The following PRKDC variants were observed in gnomAD, a reference collection of about 807,000 sequenced individuals.
PRKDC encodes the protein protein kinase, DNA-activated, catalytic subunit, also known as DNA-dependent protein kinase catalytic subunit.
Under a neutral mutation model 486.9 loss-of-function variants are expected in PRKDC, and 82 were observed. That is an observed-to-expected ratio of 0.17 (90% CI 0.14 to 0.20). PRKDC has a LOEUF of 0.20. PRKDC is among the 10% of genes least tolerant of loss of function. The probability of loss-of-function intolerance (pLI) is 1.00; values close to 1 mark genes in which losing one functional copy is unlikely to be tolerated. For missense variants in PRKDC, 4,504 were observed against 5,038.2 expected (o/e 0.89, Z 3.21); for synonymous variants, 1,895 against 1,837.0 (o/e 1.03, Z -0.81).
At chr8:47,880,908 C>A (rs1400129287) in intron 38 of PRKDC, among the ~76,000 whole-genome samples, 3 of 151,708 alleles carry the variant, frequency 2.0e-5, no homozygotes, top group Admixed American at 1.3e-4. Flanking sequence ...TTAGCCAGGC[C>A]TGGTGGCGCA....
In PRKDC at chr8:47,778,880, T is replaced by C. The variant is rs188253369; in HGVS notation, c.11580-81A>G. On this transcript the variant is annotated intron_variant, in intron 81 of 85. Coordinates refer to ENST00000314191, the MANE Select transcript of PRKDC (RefSeq NM_006904.7). ...TAAATTTTAAAACTTTTTGTTTATA[T>C]TGAGACTCAAATATCGAATAATCTT... The C allele has an allele frequency of 1.2e-4, 174 of 1,483,096 alleles. 2 individuals carry two copies. In the Admixed American group the frequency reaches 3.5e-3, roughly 30 times the overall value. The allele number at this position is 1,483,096 out of a possible 1,614,324, so 91.9% of individuals were successfully genotyped here. A position where few individuals can be genotyped will look rare whatever the true frequency, so the allele number is the denominator to read the frequency against.
chr8:47,862,445 T>C lies in PRKDC; in HGVS notation c.5847A>G (p.Ile1949Met). The change falls in exon 43 of 86, where the codon ATA becomes ATG. Residue 1949 changes from isoleucine to methionine, a missense_variant. Physicochemically the swap from Ile to Met is conservative, Grantham distance 10 (BLOSUM62 1). Transcript: ENST00000314191. ...LYHCAAYNCA[I>M]SVICCVFNEL... ...CATTGAAGACACAGCAGATGACAGA[T>C]ATGGCGCAGTTGTATGCTGCACAAT... 6.2e-7 allele frequency: 1 copy of C among 1,614,010 alleles called. No individual in the cohort carries two copies. The highest frequency in any genetic ancestry group is 8.5e-7 in the Non-Finnish European group (1 of 1,179,858).
Position 47,938,708 on chromosome 8 carries a change from T to C in PRKDC, c.1113+843A>G, listed in dbSNP as rs8178020. 3.8e-3 allele frequency among the ~76,000 whole-genome samples: 579 copies of C among 152,154 alleles called. 4 individuals are homozygous for C. The highest frequency in any genetic ancestry group is 0.025 in the South Asian group (119 of 4,820). On this transcript the variant is annotated intron_variant, in intron 11 of 85. Coordinates refer to ENST00000314191, the MANE Select transcript of PRKDC (RefSeq NM_006904.7). Reference sequence around the variant, plus strand: ...TCCCAAGCAGTTGGGATTACAGGTATGTGCTACCATGCCCGGCTAATTTTT... The same window carrying C: ...TCCCAAGCAGTTGGGATTACAGGTACGTGCTACCATGCCCGGCTAATTTTT...
Position 47,873,366 on chromosome 8 carries a change from A to G in PRKDC, c.5363+4358T>C, listed in dbSNP as rs1374886406. On this transcript the variant is annotated intron_variant, in intron 40 of 85. Transcript: ENST00000314191. ...AGCCTGGCCAACATGGTGAAAACCCATCTCTACTAAACATACAAAAAAAAT... is the reference window on the plus strand; with the variant it reads ...AGCCTGGCCAACATGGTGAAAACCCGTCTCTACTAAACATACAAAAAAAAT... 2.6e-5 allele frequency among the ~76,000 whole-genome samples: 4 copies of G among 152,182 alleles called. No individual in the cohort carries two copies. In the East Asian group the frequency reaches 7.7e-4, roughly 29 times the overall value.
intron 11 of PRKDC, among the ~76,000 whole-genome samples, chr8:47,936,729 G>A (rs1399509173): frequency 6.7e-6 from 1 of 150,126 alleles, no homozygotes; most frequent in Non-Finnish European, 1.5e-5. Context: ...TGATTCTCCC[G>A]CTTCAGCCTC....
rs542818049 is a variant in PRKDC, at chr8:47,874,866, G to A, written c.5363+2858C>T. 5.4e-4 allele frequency among the ~76,000 whole-genome samples: 82 copies of A among 152,240 alleles called. 2 individuals are homozygous for A. The South Asian group carries it at 0.017, about 31-fold the overall frequency. On this transcript the variant is annotated intron_variant, in intron 40 of 85. Coordinates refer to ENST00000314191, the MANE Select transcript of PRKDC (RefSeq NM_006904.7). ...GCCCAGGAGTTCAAGACCAGCCTGG[G>A]CAATATGGCAAAACCCTGTGTGTAT...
intron 66 of PRKDC, 83 bp downstream of exon 66, chr8:47,820,633 AAAT>A (rs1472767165): frequency 1.8e-5 from 15 of 834,790 alleles, no homozygotes; most frequent in Non-Finnish European, 1.1e-5. Context: ...AATATCCTAA[AAAT>A]AGTATATTTC....
At chr8:47,922,436 C>T (rs2090086833) in intron 21 of PRKDC, among the ~76,000 whole-genome samples, 1 of 151,134 alleles carries the variant, frequency 6.6e-6, no homozygotes, top group African/African-American at 2.4e-5. Context: ...CACGCAACTG[C>T]ACTCCAGCCT....
At chr8:47,930,401 T>A (rs2090230166) in intron 17 of PRKDC, among the ~76,000 whole-genome samples, 1 of 152,062 alleles carries the variant, frequency 6.6e-6, no homozygotes, top group African/African-American at 2.4e-5. Context: ...GCCTCCCGAG[T>A]AGCTGGGACT....
chr8:47,933,212 C>T (rs1443245234), intron 15 of PRKDC, 40 bp from the exon 16 acceptor site: 30 of 1,408,280 alleles, frequency 2.1e-5, no homozygotes, highest in Non-Finnish European at 2.8e-5. Flanking sequence ...AAATCTTGTG[C>T]AAAAATGTAT....
At chr8:47,858,069 T>C (rs1319950052) in intron 48 of PRKDC, among the ~76,000 whole-genome samples, 2 of 152,162 alleles carry the variant, frequency 1.3e-5, no homozygotes. Flanking sequence ...TCACCACGTC[T>C]AGCTCAAAGG....
chr8:47,783,291 GA>G (rs59564279), intron 78 of PRKDC, among the ~76,000 whole-genome samples: 135 of 87,174 alleles, frequency 1.5e-3, no homozygotes, highest in East Asian at 1.0e-2. Context: ...AAAAAAAAAA[GA>G]AAAAAAAAAA....
In PRKDC at chr8:47,862,365, T is replaced by C. The variant is rs776841021; in HGVS notation, c.5919+8A>G. 1 of 1,611,518 alleles carries C rather than the reference T, an allele frequency of 6.2e-7. No individual in the cohort carries two copies. Among genetic ancestry groups the C allele is most frequent in the Non-Finnish European group, 8.5e-7 (1 of 1,177,840 alleles). On this transcript the variant is annotated splice_region_variant and intron_variant, in intron 43 of 85. Transcript: ENST00000314191. The stretch of plus-strand genomic sequence containing the variant: ...ATAACAATAGTGCACACCGTAGGAG[T>C]GGCCTACCTTTTCTGGTTTTTCACT...
Position 47,858,533 on chromosome 8 carries a change from C to A in PRKDC, c.6448G>T (p.Val2150Phe). ...TTACTTACCTCTTCTGTATTAATAACAAGCTTGGCTAAGAAGAGACGGATA... is the reference window on the plus strand; with the variant it reads ...TTACTTACCTCTTCTGTATTAATAAAAAGCTTGGCTAAGAAGAGACGGATA... Reference protein sequence around the residue: ...LNIRLFLAKLVINTEEVFRPY... With the variant: ...LNIRLFLAKLFINTEEVFRPY... Residue 2150 changes from valine to phenylalanine, a missense_variant, in exon 48 of 86, where the codon GTT (valine) becomes TTT (phenylalanine). By Grantham distance (50) the Val-to-Phe change is conservative (BLOSUM62 -1). This residue lies in a region of PRKDC where 1,592 missense variants were observed against 1,724.6 expected (regional missense o/e 0.92). Transcript: ENST00000314191. 1 of 1,518,776 alleles carries A rather than the reference C, an allele frequency of 6.6e-7. No individual in the cohort carries two copies. Among genetic ancestry groups the A allele is most frequent in the Admixed American group, 2.1e-5 (1 of 47,484 alleles). 94.1% of individuals were successfully genotyped at this position (1,518,776 alleles called of 1,614,324 possible).
In PRKDC at chr8:47,934,006, C is replaced by A. The variant is rs533171314; in HGVS notation, c.1582G>T (p.Val528Leu). The A allele has an allele frequency of 2.5e-6, 4 of 1,613,484 alleles. No homozygotes were observed. The highest frequency in any genetic ancestry group is 1.8e-4 in the Middle Eastern group (1 of 5,690). Reference protein sequence around the residue: ...KWKVPTYKDYVDLFRHLLSSD... With the variant: ...KWKVPTYKDYLDLFRHLLSSD... ...CTCAGGAGATGTCTGAAGAGATCCA[C>A]GTAGTCTTTGTATGTGGGCACCTTC... The change falls in exon 15 of 86, where the codon GTG becomes TTG. Residue 528 changes from valine to leucine, a missense_variant. This residue lies in a region of PRKDC where 1,969 missense variants were observed against 2,068.9 expected (regional missense o/e 0.95). Coordinates refer to ENST00000314191, the MANE Select transcript of PRKDC (RefSeq NM_006904.7).
intron 16 of PRKDC, among the ~76,000 whole-genome samples, chr8:47,932,608 T>A (rs1016725989): frequency 2.6e-5 from 4 of 152,170 alleles, no homozygotes; most frequent in African/African-American, 9.7e-5. Context: ...TTATCTATAT[T>A]TTCCTATATC....
intron 40 of PRKDC, among the ~76,000 whole-genome samples, chr8:47,872,644 A>C (rs1165634170): frequency 6.6e-6 from 1 of 152,238 alleles, no homozygotes; most frequent in Non-Finnish European, 1.5e-5. Flanking sequence ...AGCTGTACTT[A>C]CATCAGACAA....
chr8:47,851,708 G>T (rs1195279501), intron 52 of PRKDC, among the ~76,000 whole-genome samples: 1 of 152,230 alleles, frequency 6.6e-6, no homozygotes, highest in Non-Finnish European at 1.5e-5. Flanking sequence ...GCGGGCAGGG[G>T]AGCAGTGAGT....
rs8178158 is a variant in PRKDC, at chr8:47,854,957, C to G, written c.6761+265G>C. Among the ~76,000 whole-genome samples, 12,013 of 152,220 alleles carry G rather than the reference C, an allele frequency of 0.079. 693 individuals are homozygous for G. The highest frequency in any genetic ancestry group is 0.19 in the Admixed American group (2,930 of 15,290). On this transcript the variant is annotated intron_variant, in intron 50 of 85. Coordinates refer to ENST00000314191, the MANE Select transcript of PRKDC (RefSeq NM_006904.7). The stretch of plus-strand genomic sequence containing the variant: ...CAAATCCTACCTACCTCCCACCACC[C>G]TCTACCCCATGGGCCAACGGAAGGT...
Sources: gnomAD v4.1 joint callset for allele counts (sites outside exome capture counted in the v4.1 genomes callset) on GRCh38, gnomAD v4.1.1 for gene constraint, gnomAD v4.1.1 regional missense constraint, MANE v1.5 for transcripts, NCBI Gene and HGNC (gene_info 2026-07-23, HGNC 2026-07-21) for gene names.